Variants in HSD17B12 observed in about 807,000 individuals in gnomAD.
HSD17B12 encodes the protein very-long-chain 3-oxoacyl-CoA reductase.
Under a neutral mutation model 39.3 loss-of-function variants are expected in HSD17B12, and 32 were observed. The ratio of observed to expected loss-of-function variants is 0.81; its 90% CI spans 0.61 to 1.09. The LOEUF is 1.09. HSD17B12 is among the 50% of genes least tolerant of loss of function. The probability of loss-of-function intolerance (pLI) is 0.00; values close to 1 mark genes in which losing one functional copy is unlikely to be tolerated. For missense variants in HSD17B12, 342 were observed against 382.9 expected (o/e 0.89, Z 0.89); for synonymous variants, 150 against 146.7 (o/e 1.02, Z -0.16).
At chr11:43,665,131 A>T in the HSD17B12 span, among the ~76,000 whole-genome samples, 1 of 152,264 alleles carries the variant, frequency 6.6e-6, no homozygotes, top group Non-Finnish European at 1.5e-5. Flanking sequence ...ATTCTGAAAG[A>T]GAAGTGTCTG....
the HSD17B12 span, among the ~76,000 whole-genome samples, chr11:43,571,923 T>C: frequency 2.6e-5 from 4 of 152,204 alleles, no homozygotes; most frequent in Non-Finnish European, 1.5e-5. Flanking sequence ...GTGGCCTATC[T>C]ACCCCCACCG....
At chr11:43,728,047 G>T (rs894422855) in intron 1 of HSD17B12, among the ~76,000 whole-genome samples, 1 of 148,228 alleles carries the variant, frequency 6.7e-6, no homozygotes, top group Non-Finnish European at 1.5e-5. Context: ...GTGTGATTCT[G>T]TTTTTTTTTT....
intron 1 of HSD17B12, among the ~76,000 whole-genome samples, chr11:43,695,257 C>G (rs993907337): frequency 6.6e-6 from 1 of 152,048 alleles, no homozygotes; most frequent in Non-Finnish European, 1.5e-5. Flanking sequence ...AGTGAGCCAC[C>G]GTGTCCGGCC....
At chr11:43,826,719 A>C (rs906026929) in intron 6 of HSD17B12, among the ~76,000 whole-genome samples, 1 of 152,226 alleles carries the variant, frequency 6.6e-6, no homozygotes, top group African/African-American at 2.4e-5. Flanking sequence ...CCCACTGTGC[A>C]ATAAATATTC....
chr11:43,826,071 C>CTTTTTTTTTCTTTTCTTTTTTTTTT (rs1951233660), intron 6 of HSD17B12, among the ~76,000 whole-genome samples: 2 of 77,932 alleles, frequency 2.6e-5, no homozygotes, highest in Non-Finnish European at 5.7e-5. Flanking sequence ...TATATGCAGT[C>CTTTTTTTTTCTTTTCTTTTTTTTTT]TTTTTTTTTC....
the HSD17B12 span, among the ~76,000 whole-genome samples, chr11:43,620,560 C>T: frequency 3.3e-5 from 5 of 152,302 alleles, no homozygotes; most frequent in South Asian, 2.1e-4. Context: ...GAAACAGTTA[C>T]GTGTCATGGT....
chr11:43,735,456 T>TTTAA (rs1950308018), intron 1 of HSD17B12, among the ~76,000 whole-genome samples: 7 of 152,232 alleles, frequency 4.6e-5, no homozygotes, highest in Non-Finnish European at 8.8e-5. Flanking sequence ...AAAATTACGG[T>TTTAA]CAACCTAGTG....
the HSD17B12 span, among the ~76,000 whole-genome samples, chr11:43,586,180 G>A: frequency 6.6e-6 from 1 of 152,154 alleles, no homozygotes; most frequent in African/African-American, 2.4e-5. Context: ...CAACAGAACA[G>A]ATTCCCTTTG....
chr11:43,810,921 T>G (rs1951067286), intron 4 of HSD17B12, among the ~76,000 whole-genome samples: 1 of 152,224 alleles, frequency 6.6e-6, no homozygotes, highest in South Asian at 2.1e-4. Flanking sequence ...ATGCGACCAT[T>G]TAGAAGGGAT....
intron 1 of HSD17B12, among the ~76,000 whole-genome samples, chr11:43,696,093 G>C (rs1198585681): frequency 1.3e-5 from 2 of 152,164 alleles, no homozygotes; most frequent in East Asian, 3.8e-4. Context: ...GTGAGAACAT[G>C]TGGTATTTGG....
At chr11:43,579,069 A>G in the HSD17B12 span, 1 of 35,888 alleles carries the variant, frequency 2.8e-5, no homozygotes, top group Non-Finnish European at 5.3e-5. Context: ...CCTACATGGG[A>G]GATGGGGGGC....
chr11:43,730,984 T>C (rs972449468), intron 1 of HSD17B12, among the ~76,000 whole-genome samples: 2 of 152,026 alleles, frequency 1.3e-5, no homozygotes, highest in South Asian at 4.1e-4. Flanking sequence ...CCACTTCTTA[T>C]ATGAAGAATA....
intron 1 of HSD17B12, among the ~76,000 whole-genome samples, chr11:43,744,702 T>C (rs140238755): frequency 2.6e-5 from 4 of 152,330 alleles, no homozygotes; most frequent in Non-Finnish European, 5.9e-5. Flanking sequence ...TGGACTTTCA[T>C]TAATTGTATC....
intron 3 of HSD17B12, among the ~76,000 whole-genome samples, chr11:43,780,543 A>G (rs1383254356): frequency 6.6e-6 from 1 of 151,430 alleles, no homozygotes; most frequent in Non-Finnish European, 1.5e-5. Context: ...TTACATAAGC[A>G]TACATCAATT....
chr11:43,635,084 CAG>C, the HSD17B12 span, among the ~76,000 whole-genome samples: 3 of 151,922 alleles, frequency 2.0e-5, no homozygotes, highest in South Asian at 2.1e-4. Flanking sequence ...ATAAAAAAAA[CAG>C]ATGAAGAAAA....
the HSD17B12 span, among the ~76,000 whole-genome samples, chr11:43,593,542 T>A: frequency 2.0e-5 from 3 of 152,166 alleles, no homozygotes; most frequent in African/African-American, 7.2e-5. Flanking sequence ...ACTAAAATGG[T>A]TTAGCATCAG....
the HSD17B12 span, among the ~76,000 whole-genome samples, chr11:43,582,685 C>A: frequency 1.2e-4 from 18 of 152,288 alleles, no homozygotes; most frequent in Admixed American, 4.6e-4. Flanking sequence ...CCGTCATTAA[C>A]CTGTCCGCTG....
intron 6 of HSD17B12, among the ~76,000 whole-genome samples, 190 bp downstream of exon 6, chr11:43,816,581 T>G (rs1173674421): frequency 6.6e-6 from 1 of 152,078 alleles, no homozygotes; most frequent in East Asian, 1.9e-4. Flanking sequence ...GTGCCTGTAT[T>G]ATTTGACTTT....
chr11:43,796,245 A>G (rs1189627530), intron 3 of HSD17B12, among the ~76,000 whole-genome samples: 1 of 152,068 alleles, frequency 6.6e-6, no homozygotes, highest in Non-Finnish European at 1.5e-5. Flanking sequence ...GGTGGGTATC[A>G]TGGTCTGACC....
Sources: gnomAD v4.1 joint callset for allele counts (sites outside exome capture counted in the v4.1 genomes callset) on GRCh38, gnomAD v4.1.1 for gene constraint, MANE v1.5 for transcripts, NCBI Gene and HGNC (gene_info 2026-07-23, HGNC 2026-07-21) for gene names.